The following RPTOR variants were observed in gnomAD, a reference collection of about 807,000 sequenced individuals.
The protein encoded by RPTOR is regulatory-associated protein of mTOR.
A neutral mutation model predicts 169.9 loss-of-function variants in RPTOR; 21 were observed. That is an observed-to-expected ratio of 0.12 (90% CI 0.09 to 0.18). The LOEUF (loss-of-function observed/expected upper bound fraction) is 0.18. RPTOR is among the 10% of genes least tolerant of loss of function. The pLI, the probability that RPTOR is intolerant of heterozygous loss-of-function variation, is 1.00. For missense variants in RPTOR, 1,133 were observed against 1,855.9 expected, an observed-to-expected ratio of 0.61 and a Z score of 7.16; for synonymous variants, 732 against 753.2, an observed-to-expected ratio of 0.97 and a Z score of 0.46.
At chr17:80,692,782 T>G (rs767926419) in intron 3 of RPTOR, among the ~76,000 whole-genome samples, 4 of 152,228 alleles carry the variant, frequency 2.6e-5, no homozygotes, top group Non-Finnish European at 4.4e-5. Flanking sequence ...TTTAAAAAAA[T>G]TAATTTTGCT....
chr17:80,589,914 A>G (rs1436549696), intron 1 of RPTOR, among the ~76,000 whole-genome samples: 1 of 152,178 alleles, frequency 6.6e-6, no homozygotes, highest in East Asian at 1.9e-4. Flanking sequence ...TATCTGTGCT[A>G]CACTGACCAG....
At chr17:80,594,388 G>A (rs1381382599) in intron 1 of RPTOR, among the ~76,000 whole-genome samples, 3 of 152,174 alleles carry the variant, frequency 2.0e-5, no homozygotes, top group Non-Finnish European at 2.9e-5. Flanking sequence ...CACCACGCCC[G>A]GCCGTGCAGT....
intron 17 of RPTOR, among the ~76,000 whole-genome samples, chr17:80,888,326 G>A (rs1015224760): frequency 6.6e-6 from 1 of 152,288 alleles, no homozygotes; most frequent in Non-Finnish European, 1.5e-5. Flanking sequence ...TGTTGCCCCA[G>A]GCTGGCCTCA....
At position 80,891,797 on chromosome 17, in the gene RPTOR, A is replaced by G. The variant is rs2068327609; in HGVS notation, c.2061A>G (p.Glu687=). 6.2e-7 allele frequency: 1 copy of G among 1,614,068 alleles called. No homozygotes were observed. The highest frequency in any genetic ancestry group is 2.2e-5 in the East Asian group (1 of 44,884). Residue 687 remains glutamate (E), a synonymous_variant, in exon 18 of 34, where the codon GAA becomes GAG. Coordinates refer to ENST00000306801, the MANE Select transcript of RPTOR (RefSeq NM_020761.3). The part of the protein sequence containing the change: ...NFCTVALQFI[E]EEKNYALPSP... ...GCACCGTGGCCCTGCAGTTCATAGA[A>G]GAGGAAAAGAACTACGCCTTGCCTT... is the stretch of plus-strand genomic sequence containing the variant.
intron 7 of RPTOR, among the ~76,000 whole-genome samples, chr17:80,819,522 C>CAA (rs1350287346): frequency 1.3e-5 from 2 of 152,226 alleles, no homozygotes; most frequent in Admixed American, 1.3e-4. Flanking sequence ...TTTGGGCTTT[C>CAA]TGCAATGGCA....
intron 4 of RPTOR, among the ~76,000 whole-genome samples, chr17:80,709,472 C>T (rs980342728): frequency 4.6e-5 from 7 of 152,188 alleles, no homozygotes; most frequent in Non-Finnish European, 8.8e-5. Flanking sequence ...CGGACGCTGG[C>T]GCGCTCTTCC....
chr17:80,932,162 T>TATATAG (rs1331191438), intron 24 of RPTOR, among the ~76,000 whole-genome samples: 1 of 151,312 alleles, frequency 6.6e-6, no homozygotes, highest in African/African-American at 2.4e-5. Flanking sequence ...TATATATATA[T>TATATAG]ATACACCTTA....
At chr17:80,689,788 G>A (rs2065975715) in intron 3 of RPTOR, among the ~76,000 whole-genome samples, 1 of 152,058 alleles carries the variant, frequency 6.6e-6, no homozygotes, top group Non-Finnish European at 1.5e-5. Flanking sequence ...TTTTTGATCA[G>A]TGCCCTCAAG....
chr17:80,875,916 C>T (rs1483838429), intron 13 of RPTOR, among the ~76,000 whole-genome samples: 7 of 110,824 alleles, frequency 6.3e-5, no homozygotes, highest in East Asian at 2.7e-4. Flanking sequence ...GGTCTTCCAC[C>T]GAGCCCGTGC....
chr17:80,571,158 C>T (rs978412693), intron 1 of RPTOR, among the ~76,000 whole-genome samples: 17 of 152,156 alleles, frequency 1.1e-4, no homozygotes, highest in African/African-American at 4.1e-4. Flanking sequence ...TGCCAGAGTG[C>T]GGGATTTGGC....
At chr17:80,908,964 G>C in intron 21 of RPTOR, 35 bp downstream of exon 21, 1 of 1,465,096 alleles carries the variant, frequency 6.8e-7, no homozygotes, top group South Asian at 1.1e-5. Context: ...CGCTCCAGCT[G>C]CTGGTTCTCG....
chr17:80,901,584 G>A (rs1199260592), intron 20 of RPTOR, among the ~76,000 whole-genome samples: 5 of 152,152 alleles, frequency 3.3e-5, no homozygotes, highest in African/African-American at 7.2e-5. Flanking sequence ...GTGTTTAGAA[G>A]TCATAACTTA....
At chr17:80,669,226 G>A (rs543442454) in intron 3 of RPTOR, among the ~76,000 whole-genome samples, 46 of 152,310 alleles carry the variant, frequency 3.0e-4, no homozygotes, top group Admixed American at 1.6e-3. Context: ...ACTGGTCCTG[G>A]CCTGCCTTCC....
chr17:80,703,465 T>C (rs1012722700), intron 3 of RPTOR, among the ~76,000 whole-genome samples: 4 of 152,148 alleles, frequency 2.6e-5, no homozygotes, highest in Non-Finnish European at 4.4e-5. Context: ...ACGTTCCTGA[T>C]AAACGTGAGC....
intron 3 of RPTOR, among the ~76,000 whole-genome samples, chr17:80,685,602 CATATATATATATATATAT>C (rs1164461444): frequency 2.9e-5 from 1 of 34,542 alleles, no homozygotes; most frequent in African/African-American, 1.4e-4. Flanking sequence ...GGGCCATTTC[CATATATATATATATATAT>C]ATATATATTT....
chr17:80,709,590 C>T (rs1325759502), intron 4 of RPTOR, among the ~76,000 whole-genome samples: 10 of 152,250 alleles, frequency 6.6e-5, no homozygotes, highest in Admixed American at 5.2e-4. Flanking sequence ...GCCGGGACCC[C>T]GCCCTTCTCA....
chr17:80,701,249 G>A (rs1381037876), intron 3 of RPTOR, among the ~76,000 whole-genome samples: 1 of 152,170 alleles, frequency 6.6e-6, no homozygotes, highest in African/African-American at 2.4e-5. Flanking sequence ...GCTCCACCTG[G>A]TTGCACTAGG....
chr17:80,883,574 G>A (rs1015389735), intron 15 of RPTOR, 90 bp downstream of exon 15: 2 of 1,365,396 alleles, frequency 1.5e-6, no homozygotes, highest in East Asian at 2.3e-5. Context: ...CCACATGGGG[G>A]ACAGGGGGTG....
rs866779465 is a variant in RPTOR at position 80,844,255 on chromosome 17, C to T, written c.1213-2218C>T. Among the ~76,000 whole-genome samples the T allele has an allele frequency of 2.0e-5, 3 of 152,174 alleles. No homozygotes were observed. The highest frequency in any genetic ancestry group is 2.9e-5 in the Non-Finnish European group (2 of 68,036). On this transcript the variant is annotated intron_variant, in intron 10 of 33. Coordinates refer to ENST00000306801, the MANE Select transcript of RPTOR (RefSeq NM_020761.3). The surrounding 1 kb of genome is among the most constrained non-coding windows in gnomAD (Gnocchi z 4.7). ...CTTTAGGGAGCTTCACGGGCTTCAC[C>T]GCGCACCTGCCAGGCAAAGGTGTGC... is the stretch of plus-strand genomic sequence containing the variant.
Sources: gnomAD v4.1 joint callset for allele counts (sites outside exome capture counted in the v4.1 genomes callset) on GRCh38, gnomAD v4.1.1 for gene constraint, Gnocchi (gnomAD v3.1) non-coding constraint, MANE v1.5 for transcripts, NCBI Gene and HGNC (gene_info 2026-07-23, HGNC 2026-07-21) for gene names.